Variants in SLC25A30 observed in about 807,000 individuals in gnomAD.
The protein encoded by SLC25A30 is solute carrier family 25 member 30.
Under a neutral mutation model 42.7 loss-of-function variants are expected in SLC25A30, and 29 were observed. The observed-to-expected ratio is 0.68, with a 90% CI of 0.51 to 0.93. The LOEUF is 0.93. Ranked by LOEUF, SLC25A30 falls within the 40% of genes least tolerant of loss-of-function variation. The probability of loss-of-function intolerance (pLI) is 0.00; values close to 1 mark genes in which losing one functional copy is unlikely to be tolerated. For missense variants in SLC25A30, 300 were observed against 359.7 expected, an observed-to-expected ratio of 0.83 and a Z score of 1.34; for synonymous variants, 124 against 131.0, an observed-to-expected ratio of 0.95 and a Z score of 0.37.
chr13:45,423,334 A>C (rs1165077390), upstream of SLC25A30, among the ~76,000 whole-genome samples: 2 of 151,418 alleles, frequency 1.3e-5, no homozygotes, highest in African/African-American at 2.4e-5. Flanking sequence ...AGGGAAACTC[A>C]TGTGAAGTCT....
the SLC25A30 span, among the ~76,000 whole-genome samples, chr13:45,425,617 A>AAT: frequency 3.1e-4 from 15 of 48,498 alleles, 1 homozygote; most frequent in East Asian, 2.9e-3. Flanking sequence ...TACATATATA[A>AAT]ATATATATAT....
At chr13:45,420,097 G>A (rs1883849800), upstream of SLC25A30, among the ~76,000 whole-genome samples, 1 of 152,098 alleles carries the variant, frequency 6.6e-6, no homozygotes, top group South Asian at 2.1e-4. Flanking sequence ...TGCTACTCCA[G>A]GAATCTTTAC....
the SLC25A30 span, among the ~76,000 whole-genome samples, chr13:45,424,576 T>TAG: frequency 9.4e-4 from 33 of 35,246 alleles, 3 homozygotes; most frequent in African/African-American, 4.3e-3. Flanking sequence ...TATAAATATA[T>TAG]AAATATATAT....
At chr13:45,409,157 A>G (rs1882786497) in intron 2 of SLC25A30, 83 bp from the exon 3 acceptor site, 2 of 979,944 alleles carry the variant, frequency 2.0e-6, no homozygotes, top group Non-Finnish European at 2.8e-6. Context: ...CTGAGGAAAC[A>G]TTCAGACTAC....
At chr13:45,411,663 T>G (rs1883039617) in intron 1 of SLC25A30, 183 bp from the exon 2 acceptor site, 3 of 517,238 alleles carry the variant, frequency 5.8e-6, no homozygotes, top group Admixed American at 3.2e-5. Context: ...AATCAACAAT[T>G]TCCAATCTTA....
the SLC25A30 span, among the ~76,000 whole-genome samples, chr13:45,425,589 T>C: frequency 1.3e-5 from 1 of 75,866 alleles, no homozygotes; most frequent in African/African-American, 6.3e-5. Context: ...TATATAAATA[T>C]ATATATACAT....
At chr13:45,425,019 C>A in the SLC25A30 span, among the ~76,000 whole-genome samples, 9,378 of 19,604 alleles carry the variant, frequency 0.48, 3,089 homozygotes, top group Middle Eastern at 0.6. Context: ...TATAAATATA[C>A]ATATATAAAT....
the SLC25A30 span, among the ~76,000 whole-genome samples, chr13:45,423,594 T>TATATAAA: frequency 2.2e-5 from 2 of 92,140 alleles, no homozygotes; most frequent in South Asian, 3.4e-4. Context: ...TATATAAATA[T>TATATAAA]ATATATATAT....
At chr13:45,418,882 A>C (rs1883763812), upstream of SLC25A30, 1 of 138,858 alleles carries the variant, frequency 7.2e-6, no homozygotes, top group Admixed American at 7.9e-5. Flanking sequence ...CGGAGATTGC[A>C]GTGAGCAGAG....
the SLC25A30 span, among the ~76,000 whole-genome samples, chr13:45,424,642 C>CATAAATAGAT: frequency 3.4e-5 from 1 of 29,536 alleles, no homozygotes; most frequent in African/African-American, 1.1e-4. Flanking sequence ...TGTATATAAA[C>CATAAATAGAT]ATAAATATAT....
chr13:45,408,827 C>A, intron 3 of SLC25A30, 100 bp downstream of exon 3: 2 of 1,099,082 alleles, frequency 1.8e-6, no homozygotes, highest in Admixed American at 3.0e-5. Context: ...TTCAAACACA[C>A]CTCAAACTTT....
intron 2 of SLC25A30, among the ~76,000 whole-genome samples, chr13:45,410,363 A>C (rs1019339068): frequency 6.6e-6 from 1 of 152,216 alleles, no homozygotes. Flanking sequence ...GACAGACACA[A>C]TCCAAAAATG....
chr13:45,422,655 G>A (rs75580762), upstream of SLC25A30, among the ~76,000 whole-genome samples: 149 of 152,240 alleles, frequency 9.8e-4, 1 homozygote, highest in South Asian at 0.018. Context: ...CAGGAAGGTG[G>A]CAATAGTACT....
rs560225768 is a variant in SLC25A30, at chr13:45,406,830, C to G, written c.213-853G>C. ...CTCCCTGTTCTGCTGTAGCATCACC[C>G]CCTCTGACTTCTTTTCTTTTCTCTA... On this transcript the variant is annotated intron_variant, in intron 3 of 9. Transcript: ENST00000519676. Among the ~76,000 whole-genome samples the G allele has an allele frequency of 2.6e-5, 4 of 152,318 alleles. No individual in the cohort carries two copies. The East Asian group carries it at 7.7e-4, about 29-fold the overall frequency.
At chr13:45,424,424 TGA>T in the SLC25A30 span, among the ~76,000 whole-genome samples, 52 of 50,484 alleles carry the variant, frequency 1.0e-3, no homozygotes, top group African/African-American at 3.8e-3. Flanking sequence ...TATAAATATA[TGA>T]ATATATATAT....
intron 2 of SLC25A30, among the ~76,000 whole-genome samples, chr13:45,410,946 T>G (rs74718070): frequency 2.0e-5 from 3 of 152,164 alleles, no homozygotes; most frequent in African/African-American, 7.2e-5. Flanking sequence ...AAGAAAACTT[T>G]CTTTTTTTTG....
At chr13:45,423,741 A>AATATATAAATATATAAAT in the SLC25A30 span, among the ~76,000 whole-genome samples, 1 of 19,636 alleles carries the variant, frequency 5.1e-5, no homozygotes, top group African/African-American at 3.1e-4. Flanking sequence ...AATATATATA[A>AATATATAAATATATAAAT]ATATATAAAT....
At chr13:45,417,098 C>A (rs1384096241) in intron 1 of SLC25A30, among the ~76,000 whole-genome samples, 2 of 152,204 alleles carry the variant, frequency 1.3e-5, no homozygotes, top group African/African-American at 4.8e-5. Context: ...ACTGCAACCT[C>A]CGTCTCCTGG....
chr13:45,428,252 G>A, the SLC25A30 span, among the ~76,000 whole-genome samples: 12 of 149,040 alleles, frequency 8.1e-5, no homozygotes, highest in East Asian at 4.0e-4. Context: ...TCACTCTGTC[G>A]CCCAGGAGTG....
Sources: gnomAD v4.1 joint callset for allele counts (sites outside exome capture counted in the v4.1 genomes callset) on GRCh38, gnomAD v4.1.1 for gene constraint, MANE v1.5 for transcripts, NCBI Gene and HGNC (gene_info 2026-07-23, HGNC 2026-07-21) for gene names.